Variants in PLEKHA5 observed in about 807,000 individuals in gnomAD.
The protein encoded by PLEKHA5 is pleckstrin homology domain containing A5, also known as pleckstrin homology domain-containing family A member 5.
Under a neutral mutation model 181.9 loss-of-function variants are expected in PLEKHA5, and 55 were observed. The observed-to-expected ratio is 0.30, with a 90% CI of 0.24 to 0.38. The LOEUF is 0.38. Ranked by LOEUF, PLEKHA5 falls within the 10% of genes least tolerant of loss-of-function variation. The pLI is 1.00. For missense variants in PLEKHA5, 1,432 were observed against 1,549.5 expected (o/e 0.92, Z 1.27); for synonymous variants, 535 against 529.4 (o/e 1.01, Z -0.15).
intron 7 of PLEKHA5, among the ~76,000 whole-genome samples, chr12:19,262,173 T>C (rs1376291371): frequency 6.6e-6 from 1 of 152,258 alleles, no homozygotes; most frequent in East Asian, 1.9e-4. Context: ...GGACTACTTA[T>C]AACAAGAAAT....
intron 3 of PLEKHA5, among the ~76,000 whole-genome samples, chr12:19,233,469 A>G (rs187468017): frequency 2.4e-4 from 36 of 152,260 alleles, no homozygotes; most frequent in African/African-American, 8.2e-4. Flanking sequence ...TAACCGTTAA[A>G]AGAACTACTT....
intron 3 of PLEKHA5, chr12:19,200,726 A>G: frequency 5.1e-6 from 5 of 974,830 alleles, no homozygotes; most frequent in Non-Finnish European, 6.1e-6. Flanking sequence ...GAATTTTGAC[A>G]GAGGTACCCA....
At chr12:19,242,656 G>A (rs1264568538) in intron 3 of PLEKHA5, among the ~76,000 whole-genome samples, 1 of 151,772 alleles carries the variant, frequency 6.6e-6, no homozygotes, top group Non-Finnish European at 1.5e-5. Flanking sequence ...TGGCATGTGA[G>A]CTTTTTATGT....
At chr12:19,263,420 GAGTTTTTGCCC>G (rs1454964919) in intron 7 of PLEKHA5, among the ~76,000 whole-genome samples, 1 of 152,100 alleles carries the variant, frequency 6.6e-6, no homozygotes, top group African/African-American at 2.4e-5. Flanking sequence ...TCTTAATCAC[GAGTTTTTGCCC>G]CCACTCAGAT....
chr12:19,129,755 G>T lies in PLEKHA5; in HGVS notation c.-45G>T, dbSNP rs772586159. The T allele has an allele frequency of 7.4e-5, 108 of 1,465,576 alleles. No individual in the cohort carries two copies. Among genetic ancestry groups the T allele is most frequent in the Non-Finnish European group, 9.7e-5 (103 of 1,060,590 alleles). 90.8% of individuals were successfully genotyped at this position (1,465,576 alleles called of 1,614,324 possible). A position where few individuals can be genotyped will look rare whatever the true frequency, so the allele number is the denominator to read the frequency against. On this transcript the variant is annotated 5_prime_UTR_variant, in exon 1 of 32. Transcript: ENST00000429027. The stretch of plus-strand genomic sequence containing the variant: ...CTCGTTCCCTCCTCCCTCGGCAGCC[G>T]CGGCGGCAGCAGGAGAAGGCGGCGG...
chr12:19,281,440 G>A (rs971678453), intron 11 of PLEKHA5, among the ~76,000 whole-genome samples: 1 of 151,852 alleles, frequency 6.6e-6, no homozygotes, highest in Admixed American at 6.6e-5. Flanking sequence ...AGCTGGGCAT[G>A]GTGGCTGGTG....
At chr12:19,250,830 A>T (rs2065080394) in intron 3 of PLEKHA5, among the ~76,000 whole-genome samples, 1 of 152,160 alleles carries the variant, frequency 6.6e-6, no homozygotes. Context: ...TATTGCAAAA[A>T]TATAGCATGT....
At chr12:19,288,236 G>A (rs930337986) in intron 13 of PLEKHA5, 4 of 175,184 alleles carry the variant, frequency 2.3e-5, no homozygotes, top group Admixed American at 1.2e-4. Flanking sequence ...TAAGTTTTTC[G>A]TGTGAATTTT....
At chr12:19,233,346 A>T (rs1012491190) in intron 3 of PLEKHA5, among the ~76,000 whole-genome samples, 2 of 152,158 alleles carry the variant, frequency 1.3e-5, no homozygotes, top group Admixed American at 6.5e-5. Context: ...ATTTGTATTA[A>T]ATGACCTAGG....
chr12:19,284,250 G>A (rs762857221), intron 12 of PLEKHA5, among the ~76,000 whole-genome samples: 5 of 152,150 alleles, frequency 3.3e-5, no homozygotes, highest in African/African-American at 1.2e-4. Flanking sequence ...TGTATTTTTA[G>A]TAGAGATGTG....
chr12:19,157,341 C>G (rs557088527), intron 3 of PLEKHA5, among the ~76,000 whole-genome samples: 1 of 152,238 alleles, frequency 6.6e-6, no homozygotes, highest in East Asian at 1.9e-4. Context: ...AGTCTACAAA[C>G]TCTTCATGAA....
At chr12:19,259,782 A>G (rs2067892887) in intron 6 of PLEKHA5, among the ~76,000 whole-genome samples, 1 of 100,538 alleles carries the variant, frequency 9.9e-6, no homozygotes, top group Admixed American at 1.3e-4. Flanking sequence ...ATCATTTGCC[A>G]TTTAATTTTT....
chr12:19,238,285 T>C (rs1374626688), intron 3 of PLEKHA5, among the ~76,000 whole-genome samples: 1 of 152,122 alleles, frequency 6.6e-6, no homozygotes, highest in Middle Eastern at 3.2e-3. Flanking sequence ...GTGAATAATA[T>C]AGTTAGGTAT....
At chr12:19,200,847 T>C (rs939502275) in intron 3 of PLEKHA5, 7 of 174,196 alleles carry the variant, frequency 4.0e-5, no homozygotes, top group African/African-American at 1.7e-4. Flanking sequence ...CTTATTATCA[T>C]ATCATGCACA....
At chr12:19,357,943 A>T in intron 26 of PLEKHA5, among the ~76,000 whole-genome samples, 1 of 149,520 alleles carries the variant, frequency 6.7e-6, no homozygotes, top group Non-Finnish European at 1.5e-5. Context: ...CCTGGTCCAT[A>T]TTTTTTTTTT....
At chr12:19,369,507 C>G (rs2095523520) in intron 30 of PLEKHA5, among the ~76,000 whole-genome samples, 186 bp from the exon 31 acceptor site, 1 of 150,220 alleles carries the variant, frequency 6.7e-6, no homozygotes, top group Admixed American at 6.8e-5. Flanking sequence ...TGGTGAGACC[C>G]CATCTCAATT....
chr12:19,348,342 C>G, intron 24 of PLEKHA5, 57 bp from the exon 25 acceptor site: 1 of 1,376,308 alleles, frequency 7.3e-7, no homozygotes, highest in Non-Finnish European at 1.0e-6. Context: ...TAGCAGTAAA[C>G]ATTTTAAAAG....
intron 11 of PLEKHA5, among the ~76,000 whole-genome samples, chr12:19,276,883 C>A (rs970808318): frequency 1.3e-5 from 2 of 152,262 alleles, no homozygotes; most frequent in East Asian, 3.9e-4. Context: ...TATATATAAT[C>A]TTATTTGTCA....
intron 3 of PLEKHA5, among the ~76,000 whole-genome samples, chr12:19,145,206 C>G (rs971145237): frequency 6.6e-6 from 1 of 151,792 alleles, no homozygotes; most frequent in East Asian, 1.9e-4. Context: ...GAGAGAGAGA[C>G]AGAGATTTTA....
Sources: gnomAD v4.1 joint callset for allele counts (sites outside exome capture counted in the v4.1 genomes callset) on GRCh38, gnomAD v4.1.1 for gene constraint, MANE v1.5 for transcripts, NCBI Gene and HGNC (gene_info 2026-07-23, HGNC 2026-07-21) for gene names.